SND1: variants seen among roughly 807,000 people sequenced by gnomAD.
The protein encoded by SND1 is staphylococcal nuclease domain-containing protein 1.
A neutral mutation model predicts 121.7 loss-of-function variants in SND1; 38 were observed. The observed-to-expected ratio is 0.31, with a 90% CI of 0.24 to 0.41. SND1 has a LOEUF of 0.41. Among genes scored for constraint, SND1 ranks in the 10% least tolerant of loss-of-function variants. The probability of loss-of-function intolerance (pLI) is 1.00; values close to 1 mark genes in which losing one functional copy is unlikely to be tolerated. For missense variants in SND1, 868 were observed against 1,184.6 expected (o/e 0.73, Z 3.92); for synonymous variants, 401 against 447.4 (o/e 0.90, Z 1.31).
intron 13 of SND1, among the ~76,000 whole-genome samples, chr7:127,901,780 A>AT (rs1349916238): frequency 6.6e-6 from 1 of 152,222 alleles, no homozygotes; most frequent in African/African-American, 2.4e-5. Context: ...CCAGAAATTG[A>AT]TAAGAGTTTA....
intron 10 of SND1, among the ~76,000 whole-genome samples, chr7:127,743,481 G>A (rs1024430268): frequency 4.6e-5 from 7 of 152,164 alleles, no homozygotes; most frequent in African/African-American, 1.2e-4. Flanking sequence ...AGCCCCCAAC[G>A]TTTTGGTAGC....
intron 16 of SND1, among the ~76,000 whole-genome samples, chr7:127,993,104 T>C (rs1802556799): frequency 6.6e-6 from 1 of 152,230 alleles, no homozygotes; most frequent in African/African-American, 2.4e-5. Context: ...TTTTGAAAGT[T>C]CTTTACACTG....
In SND1 at chr7:128,081,499, C is replaced by G; in HGVS notation, c.2108C>G (p.Thr703Ser). ...CACTTCTACGTGCAGGATGTGGAGA[C>G]CGGTGAGTGCTCAGGCCGCTGGCTC... ...DLHFYVQDVE[T>S]GTQLEKLMEN... The change falls in exon 18 of 24, where the codon ACC becomes AGC. Residue 703 changes from threonine (T) to serine (S), a missense_variant and splice_region_variant. This residue lies in a region of SND1 where 743 missense variants were observed against 1,071.3 expected (regional missense o/e 0.69). Transcript: ENST00000354725. The G allele has an allele frequency of 6.2e-7, 1 of 1,613,714 alleles. No homozygotes were observed. The highest frequency in any genetic ancestry group is 8.5e-7 in the Non-Finnish European group (1 of 1,179,934).
chr7:127,791,943 C>G (rs1797916629), intron 10 of SND1, among the ~76,000 whole-genome samples: 1 of 152,180 alleles, frequency 6.6e-6, no homozygotes, highest in African/African-American at 2.4e-5. Context: ...ATGAATGCAG[C>G]CTTCCTGTGA....
At chr7:127,923,093 A>G (rs1800753578) in intron 14 of SND1, among the ~76,000 whole-genome samples, 1 of 152,122 alleles carries the variant, frequency 6.6e-6, no homozygotes, top group Non-Finnish European at 1.5e-5. Flanking sequence ...GGCTGAAGCA[A>G]TCCTCTTGCC....
chr7:127,900,247 G>A (rs1800201791), intron 13 of SND1, among the ~76,000 whole-genome samples: 1 of 152,166 alleles, frequency 6.6e-6, no homozygotes. Flanking sequence ...TTGTGATAAG[G>A]TTGGATCTAG....
intron 16 of SND1, among the ~76,000 whole-genome samples, chr7:128,039,825 C>T (rs955245271): frequency 1.3e-5 from 2 of 152,182 alleles, no homozygotes; most frequent in African/African-American, 2.4e-5. Flanking sequence ...GCTGTGCCAA[C>T]GCTTTTTGCT....
intron 10 of SND1, among the ~76,000 whole-genome samples, chr7:127,759,091 T>TAGATAGAC (rs1797251902): frequency 6.6e-6 from 1 of 151,836 alleles, no homozygotes; most frequent in African/African-American, 2.4e-5. Flanking sequence ...GATAGATAGA[T>TAGATAGAC]AGATAGATAG....
At chr7:127,918,355 C>T (rs1338331503) in intron 14 of SND1, among the ~76,000 whole-genome samples, 3 of 151,990 alleles carry the variant, frequency 2.0e-5, no homozygotes, top group Admixed American at 6.6e-5. Context: ...CGTGAGTCAC[C>T]GCCCCCAGAT....
chr7:128,074,224 C>T (rs953187959), intron 16 of SND1, among the ~76,000 whole-genome samples: 2 of 151,778 alleles, frequency 1.3e-5, no homozygotes, highest in East Asian at 1.9e-4. Flanking sequence ...CCTTCAGCTG[C>T]GCTCTCTCTC....
At chr7:128,079,944 C>T (rs1793569214) in intron 17 of SND1, among the ~76,000 whole-genome samples, 1 of 152,192 alleles carries the variant, frequency 6.6e-6, no homozygotes, top group South Asian at 2.1e-4. Flanking sequence ...CCTGGAAGAG[C>T]TGTAGTGCCA....
intron 15 of SND1, among the ~76,000 whole-genome samples, chr7:127,932,837 A>G (rs1800981789): frequency 6.6e-6 from 1 of 152,352 alleles, no homozygotes; most frequent in East Asian, 1.9e-4. Flanking sequence ...AAACTACAGT[A>G]TAGGGTGAAC....
intron 12 of SND1, among the ~76,000 whole-genome samples, chr7:127,871,299 A>T (rs1332438038): frequency 2.6e-5 from 4 of 152,242 alleles, no homozygotes; most frequent in Non-Finnish European, 1.5e-5. Context: ...CACCATTAAC[A>T]TAGTCATTTA....
chr7:127,779,477 C>T (rs772269724), intron 10 of SND1, among the ~76,000 whole-genome samples: 2 of 152,180 alleles, frequency 1.3e-5, no homozygotes, highest in Admixed American at 1.3e-4. Context: ...GATCTCATTT[C>T]GTAGAGACAA....
Position 128,085,563 on chromosome 7 carries a change from G to A in SND1, c.2235-148G>A. 4.3e-6 allele frequency: 3 copies of A among 699,166 alleles called. No individual in the cohort carries two copies. Among genetic ancestry groups the A allele is most frequent in the East Asian group, 2.5e-5 (1 of 40,256 alleles). 43.3% of individuals were successfully genotyped at this position (699,166 alleles called of 1,614,324 possible). On this transcript the variant is annotated intron_variant, in intron 19 of 23. Coordinates refer to ENST00000354725, the MANE Select transcript of SND1 (RefSeq NM_014390.4). This position sits in a 1 kb window ranked among gnomAD's most constrained non-coding sequence, Gnocchi z 4.4. ...TGGTGACCACAGTGGCCGAGGCTGG[G>A]CCTAGATGGAGTGCAGTTACTGTCC...
rs1793794978 is a variant in SND1 at position 128,092,253 on chromosome 7, G to A, written c.*195G>A. 1.7e-6 allele frequency: 1 copy of A among 605,016 alleles called. No homozygotes were observed. 37.5% of individuals were successfully genotyped at this position (605,016 alleles called of 1,614,324 possible). A position where few individuals can be genotyped will look rare whatever the true frequency, so the allele number is the denominator to read the frequency against. On this transcript the variant is annotated 3_prime_UTR_variant, in exon 24 of 24. Transcript: ENST00000354725. This position sits in a 1 kb window ranked among gnomAD's most constrained non-coding sequence, Gnocchi z 4.9. ...CCAAGGCTTTCTGGGGCAGACCCTTGTCCTCTGGGATGATGGGCACTGCTA... is the reference window on the plus strand; with the variant it reads ...CCAAGGCTTTCTGGGGCAGACCCTTATCCTCTGGGATGATGGGCACTGCTA...
chr7:127,688,128 G>A (rs560616308), intron 2 of SND1, among the ~76,000 whole-genome samples: 6 of 152,238 alleles, frequency 3.9e-5, no homozygotes, highest in Non-Finnish European at 7.4e-5. Context: ...TGGCTCAAAA[G>A]TAGTTAAGAA....
At chr7:127,925,099 A>G (rs1800802880) in intron 14 of SND1, among the ~76,000 whole-genome samples, 1 of 152,212 alleles carries the variant, frequency 6.6e-6, no homozygotes, top group Non-Finnish European at 1.5e-5. Flanking sequence ...TTCAAGGTGC[A>G]TTGAGGAGGC....
At chr7:127,686,885 T>C (rs1193629707) in intron 2 of SND1, 123 bp downstream of exon 2, 18 of 1,115,646 alleles carry the variant, frequency 1.6e-5, no homozygotes, top group South Asian at 1.1e-4. Context: ...ATCATAGAAC[T>C]GCTGATTCTG....
Sources: gnomAD v4.1 joint callset for allele counts (sites outside exome capture counted in the v4.1 genomes callset) on GRCh38, gnomAD v4.1.1 for gene constraint, gnomAD v4.1.1 regional missense constraint, Gnocchi (gnomAD v3.1) non-coding constraint, MANE v1.5 for transcripts, NCBI Gene and HGNC (gene_info 2026-07-23, HGNC 2026-07-21) for gene names.